Variants in AGBL4 observed in about 807,000 individuals in gnomAD.
AGBL4 encodes cytosolic carboxypeptidase 6.
A neutral mutation model predicts 66.4 loss-of-function variants in AGBL4; 58 were observed. That is an observed-to-expected ratio of 0.87 (90% CI 0.71 to 1.09). AGBL4 has a LOEUF of 1.09. AGBL4 is among the 50% of genes least tolerant of loss of function. The probability of loss-of-function intolerance (pLI) is 0.00; values close to 1 mark genes in which losing one functional copy is unlikely to be tolerated. For missense variants in AGBL4, 579 were observed against 631.0 expected (o/e 0.92, Z 0.88); for synonymous variants, 234 against 222.9 (o/e 1.05, Z -0.44).
At chr1:48,703,022 T>C (rs77923537) in intron 6 of AGBL4, among the ~76,000 whole-genome samples, 3,307 of 152,270 alleles carry the variant, frequency 0.022, 121 homozygotes, top group African/African-American at 0.073. Flanking sequence ...CTCTGCTCTA[T>C]TCAAAGATGA....
At chr1:49,542,621 G>A (rs1652137723) in intron 3 of AGBL4, among the ~76,000 whole-genome samples, 1 of 152,038 alleles carries the variant, frequency 6.6e-6, no homozygotes, top group Admixed American at 6.5e-5. Context: ...AACTTGTCCG[G>A]GTGTGGTGTG....
Position 48,796,932 on chromosome 1 carries a change from G to A in AGBL4, c.634+70259C>T, listed in dbSNP as rs527970683. 2.0e-5 allele frequency among the ~76,000 whole-genome samples: 3 copies of A among 152,280 alleles called. No individual in the cohort carries two copies. In the East Asian group the frequency reaches 5.8e-4, roughly 29 times the overall value. Reference sequence around the variant, plus strand: ...GGTAAACCTCCATAGTGGGAAAACAGCAGCCTACTCTGACACAGGAAAGCA... The same window carrying A: ...GGTAAACCTCCATAGTGGGAAAACAACAGCCTACTCTGACACAGGAAAGCA... On this transcript the variant is annotated intron_variant, in intron 6 of 13. Transcript: ENST00000371839.
At chr1:50,020,166 T>G (rs1662337643) in intron 1 of AGBL4, among the ~76,000 whole-genome samples, 1 of 151,988 alleles carries the variant, frequency 6.6e-6, no homozygotes, top group South Asian at 2.1e-4. Context: ...TTCTACATTC[T>G]CCAAAACTTA....
intron 3 of AGBL4, among the ~76,000 whole-genome samples, chr1:49,553,382 C>A (rs1653126266): frequency 6.6e-6 from 1 of 152,206 alleles, no homozygotes; most frequent in African/African-American, 2.4e-5. Context: ...GTGGATGAGA[C>A]CATTCTTCAC....
At chr1:49,688,035 C>A (rs1211268646) in intron 3 of AGBL4, among the ~76,000 whole-genome samples, 1 of 152,142 alleles carries the variant, frequency 6.6e-6, no homozygotes, top group Non-Finnish European at 1.5e-5. Context: ...ATGGGGTATG[C>A]ATCCCTCAAG....
At chr1:48,977,290 A>C (rs1034377713) in intron 5 of AGBL4, among the ~76,000 whole-genome samples, 1 of 152,144 alleles carries the variant, frequency 6.6e-6, no homozygotes, top group Non-Finnish European at 1.5e-5. Flanking sequence ...GGTGTCTAAA[A>C]ATATATTTAT....
intron 3 of AGBL4, among the ~76,000 whole-genome samples, chr1:49,501,594 CAACT>C (rs935040909): frequency 2.0e-4 from 31 of 151,886 alleles, no homozygotes; most frequent in Admixed American, 1.9e-3. Context: ...TTCAAAAAAC[CAACT>C]CAGTTTCATT....
At chr1:49,568,111 C>T (rs1644249985) in intron 3 of AGBL4, among the ~76,000 whole-genome samples, 1 of 151,904 alleles carries the variant, frequency 6.6e-6, no homozygotes, top group Non-Finnish European at 1.5e-5. Context: ...CTCTCATTCC[C>T]CCTAGATAGT....
chr1:48,827,167 G>T (rs935279953), intron 6 of AGBL4, among the ~76,000 whole-genome samples: 1 of 152,092 alleles, frequency 6.6e-6, no homozygotes, highest in Non-Finnish European at 1.5e-5. Context: ...CTTTCATTTG[G>T]TAGAAAGTCT....
At chr1:49,685,467 G>A (rs1646770848) in intron 3 of AGBL4, among the ~76,000 whole-genome samples, 1 of 152,152 alleles carries the variant, frequency 6.6e-6, no homozygotes, top group Admixed American at 6.6e-5. Flanking sequence ...ACTTATTTGA[G>A]AAATCTTCAA....
intron 6 of AGBL4, among the ~76,000 whole-genome samples, chr1:48,770,479 C>A (rs939789643): frequency 1.3e-5 from 2 of 152,164 alleles, no homozygotes; most frequent in Non-Finnish European, 2.9e-5. Flanking sequence ...TCTTCTTTAA[C>A]TGTGCCTTTA....
At chr1:49,652,772 G>T (rs1646034935) in intron 3 of AGBL4, among the ~76,000 whole-genome samples, 1 of 152,170 alleles carries the variant, frequency 6.6e-6, no homozygotes, top group African/African-American at 2.4e-5. Flanking sequence ...GAACCCCTCT[G>T]TGAGAATTTC....
intron 1 of AGBL4, among the ~76,000 whole-genome samples, chr1:49,960,269 C>A (rs1206600647): frequency 6.6e-6 from 1 of 151,918 alleles, no homozygotes; most frequent in African/African-American, 2.4e-5. Context: ...TTTTTGGTAA[C>A]ATGGATGGAA....
At chr1:48,926,498 A>G (rs577568181) in intron 5 of AGBL4, among the ~76,000 whole-genome samples, 1 of 151,012 alleles carries the variant, frequency 6.6e-6, no homozygotes, top group South Asian at 2.1e-4. Flanking sequence ...CATGTTGGCC[A>G]GGCTAGTCTC....
At chr1:49,732,622 C>T (rs1012058494) in intron 2 of AGBL4, among the ~76,000 whole-genome samples, 1 of 151,916 alleles carries the variant, frequency 6.6e-6, no homozygotes, top group Non-Finnish European at 1.5e-5. Flanking sequence ...TGGAAGAATA[C>T]AATAACTAGA....
intron 2 of AGBL4, among the ~76,000 whole-genome samples, chr1:49,717,213 T>C (rs1377795500): frequency 5.9e-5 from 9 of 151,864 alleles, no homozygotes; most frequent in Admixed American, 5.9e-4. Flanking sequence ...AAAGGACACA[T>C]ACAAATGGAA....
chr1:49,454,242 A>C (rs1318654034), intron 3 of AGBL4, among the ~76,000 whole-genome samples: 4 of 151,810 alleles, frequency 2.6e-5, no homozygotes, highest in East Asian at 3.9e-4. Flanking sequence ...AAACAGAAAC[A>C]AAATAAACTC....
chr1:49,964,870 G>C (rs2148350217), intron 1 of AGBL4, among the ~76,000 whole-genome samples: 1 of 152,088 alleles, frequency 6.6e-6, no homozygotes, highest in East Asian at 1.9e-4. Flanking sequence ...CATTGATTTA[G>C]GACATTAGAT....
At chr1:49,311,074 G>C (rs1337021234) in intron 3 of AGBL4, among the ~76,000 whole-genome samples, 3 of 151,986 alleles carry the variant, frequency 2.0e-5, no homozygotes, top group African/African-American at 2.4e-5. Flanking sequence ...TAATTGTTGA[G>C]AGAATAACAA....
Sources: gnomAD v4.1 joint callset for allele counts (sites outside exome capture counted in the v4.1 genomes callset) on GRCh38, gnomAD v4.1.1 for gene constraint, MANE v1.5 for transcripts, NCBI Gene and HGNC (gene_info 2026-07-23, HGNC 2026-07-21) for gene names.